The following HMGXB4 variants were observed in gnomAD, a reference collection of about 807,000 sequenced individuals.
HMGXB4 encodes the protein HMG-box containing 4, also known as HMG domain-containing protein 4.
In HMGXB4, 27 loss-of-function variants were observed where a neutral mutation model predicts 63.9. That is an observed-to-expected ratio of 0.42 (90% CI 0.31 to 0.58). The LOEUF is 0.58. Ranked by LOEUF, HMGXB4 falls within the 20% of genes least tolerant of loss-of-function variation. The pLI, the probability that HMGXB4 is intolerant of heterozygous loss-of-function variation, is 0.13. For synonymous variants in HMGXB4, 264 were observed against 265.3 expected (o/e 0.99, Z 0.05); for missense variants, 624 against 700.7 (o/e 0.89, Z 1.24).
chr22:35,265,702 G>A, intron 5 of HMGXB4, 99 bp downstream of exon 5: 2 of 1,417,086 alleles, frequency 1.4e-6, no homozygotes, highest in South Asian at 1.6e-5. Flanking sequence ...TAAACCACTG[G>A]GAATTAAGCA....
chr22:35,245,591 G>A, the HMGXB4 span, among the ~76,000 whole-genome samples: 1 of 152,066 alleles, frequency 6.6e-6, no homozygotes, highest in Non-Finnish European at 1.5e-5. Flanking sequence ...CTGGTTCTTG[G>A]TAGGATGAGT....
chr22:35,243,383 A>G, the HMGXB4 span, among the ~76,000 whole-genome samples: 2 of 152,326 alleles, frequency 1.3e-5, no homozygotes, highest in East Asian at 3.9e-4. Context: ...AGAAAATAAA[A>G]AAGAAATGCT....
At chr22:35,288,086 A>G in intron 8 of HMGXB4, 152 bp from the exon 9 acceptor site, 1 of 493,890 alleles carries the variant, frequency 2.0e-6, no homozygotes, top group Non-Finnish European at 3.4e-6. Flanking sequence ...GGCCATAAAA[A>G]ACAAGAGACC....
chr22:35,243,879 C>T, the HMGXB4 span, among the ~76,000 whole-genome samples: 3 of 152,200 alleles, frequency 2.0e-5, no homozygotes, highest in Non-Finnish European at 4.4e-5. Flanking sequence ...AAAAATATTG[C>T]TCCACTTCCT....
In HMGXB4 at chr22:35,294,418, G is replaced by T. The variant is rs963047108; in HGVS notation, c.*767G>T. 1.3e-5 allele frequency: 2 copies of T among 152,586 alleles called. No homozygotes were observed. The highest frequency in any genetic ancestry group is 2.9e-5 in the Non-Finnish European group (2 of 68,026). 9.5% of individuals were successfully genotyped at this position (152,586 alleles called of 1,614,324 possible). ...CAGAATCTTTAGTCGGCAGAATTAA[G>T]TGCTGGTGTCTTTCACTGGCAGCAT... is the stretch of plus-strand genomic sequence containing the variant. On this transcript the variant is annotated 3_prime_UTR_variant, in exon 11 of 11. Coordinates refer to ENST00000216106, the MANE Select transcript of HMGXB4 (RefSeq NM_001003681.3).
At chr22:35,253,621 G>A (rs1355377771), upstream of HMGXB4, among the ~76,000 whole-genome samples, 2 of 152,092 alleles carry the variant, frequency 1.3e-5, no homozygotes, top group African/African-American at 2.4e-5. Context: ...GCGCGCGTGT[G>A]TGTGTGTGTA....
chr22:35,271,550 A>G (rs1923605095), intron 5 of HMGXB4, among the ~76,000 whole-genome samples: 1 of 152,164 alleles, frequency 6.6e-6, no homozygotes, highest in Non-Finnish European at 1.5e-5. Flanking sequence ...CCACTTACAA[A>G]CAATGTGATG....
At chr22:35,261,210 G>A (rs1270361428) in intron 1 of HMGXB4, among the ~76,000 whole-genome samples, 1 of 152,122 alleles carries the variant, frequency 6.6e-6, no homozygotes, top group African/African-American at 2.4e-5. Context: ...GGCCGAGGTG[G>A]GTGGATCACG....
At position 35,295,184 on chromosome 22, in the gene HMGXB4, C is replaced by T. The variant is rs1925191438; in HGVS notation, c.*1533C>T. 2 of 152,344 alleles carry T rather than the reference C, an allele frequency of 1.3e-5. No individual in the cohort carries two copies. Among genetic ancestry groups the T allele is most frequent in the South Asian group, 4.1e-4 (2 of 4,826 alleles). The allele number at this position is 152,344 out of a possible 1,614,324, so 9.4% of individuals were successfully genotyped here. A position where few individuals can be genotyped will look rare whatever the true frequency, so the allele number is the denominator to read the frequency against. ...CAGCATCAAAGTAAATCTTTGGGGACAGTGTAGCCCATCTGCATCCTATTT... is the reference window on the plus strand; with the variant it reads ...CAGCATCAAAGTAAATCTTTGGGGATAGTGTAGCCCATCTGCATCCTATTT... On this transcript the variant is annotated 3_prime_UTR_variant, in exon 11 of 11. Coordinates refer to ENST00000216106, the MANE Select transcript of HMGXB4 (RefSeq NM_001003681.3).
At chr22:35,283,019 T>C (rs964573486) in intron 5 of HMGXB4, among the ~76,000 whole-genome samples, 8 of 152,364 alleles carry the variant, frequency 5.3e-5, no homozygotes, top group African/African-American at 1.9e-4. Context: ...TGTCAGAATA[T>C]AGTGAAGAAC....
intron 2 of HMGXB4, chr22:35,262,796 GTCC>G (rs1458484112): frequency 9.6e-6 from 5 of 520,798 alleles, no homozygotes; most frequent in South Asian, 2.4e-5. Flanking sequence ...GCAAGTCTGT[GTCC>G]TCCTACCAAA....
chr22:35,263,908 C>G lies in HMGXB4; in HGVS notation c.259+34C>G, dbSNP rs967893834. On this transcript the variant is annotated intron_variant, in intron 4 of 10. Coordinates refer to ENST00000216106, the MANE Select transcript of HMGXB4 (RefSeq NM_001003681.3). ...GGGAATGGGCAACAGGTGGGATAAA[C>G]ACATCGCTGGTTCTTGGAGTCGGGG... 3 of 1,602,060 alleles carry G rather than the reference C, an allele frequency of 1.9e-6. No homozygotes were observed. In the South Asian group the frequency reaches 3.3e-5, roughly 18 times the overall value.
chr22:35,270,698 T>C (rs1025521587), intron 5 of HMGXB4, among the ~76,000 whole-genome samples: 19 of 152,346 alleles, frequency 1.2e-4, no homozygotes, highest in African/African-American at 4.1e-4. Context: ...TAAGGACTTA[T>C]CTATAATTTG....
Position 35,265,425 on chromosome 22 carries a change from T to C in HMGXB4, c.1037T>C (p.Leu346Ser), listed in dbSNP as rs559493829. ...CGACACTCCAAGTCCAAGAGAAGTT[T>C]AGGACTTTCTGCCGTGCCAGTGGGA... ...EKRHSKSKRS[L>S]GLSAVPVGEV... Residue 346 changes from leucine (L) to serine (S), a missense_variant, in exon 5 of 11, where the codon TTA becomes TCA. Coordinates refer to ENST00000216106, the MANE Select transcript of HMGXB4 (RefSeq NM_001003681.3). The C allele has an allele frequency of 1.9e-6, 3 of 1,613,994 alleles. No individual in the cohort carries two copies. The highest frequency in any genetic ancestry group is 2.7e-5 in the African/African-American group (2 of 74,956).
At chr22:35,244,022 T>C in the HMGXB4 span, among the ~76,000 whole-genome samples, 1 of 152,244 alleles carries the variant, frequency 6.6e-6, no homozygotes, top group Non-Finnish European at 1.5e-5. Context: ...AGTTATGATG[T>C]GTCTTGGAAT....
In HMGXB4 at chr22:35,293,770, CATACATAT is replaced by C. The variant is rs756664222; in HGVS notation, c.*131_*138del. The C allele has an allele frequency of 4.8e-6, 3 of 619,248 alleles. No individual in the cohort carries two copies. Among genetic ancestry groups the C allele is most frequent in the African/African-American group, 1.9e-5 (1 of 53,932 alleles). The allele number at this position is 619,248 out of a possible 1,614,324, so 38.4% of individuals were successfully genotyped here. A position where few individuals can be genotyped will look rare whatever the true frequency, so the allele number is the denominator to read the frequency against. The stretch of plus-strand genomic sequence containing the variant: ...TAGGTTTTAAATTTTTATATCTATA[CATACATAT>C]ATACATATATATATAATGTACAATA... On this transcript the variant is annotated 3_prime_UTR_variant, in exon 11 of 11. Coordinates refer to ENST00000216106, the MANE Select transcript of HMGXB4 (RefSeq NM_001003681.3).
chr22:35,265,699 C>T, intron 5 of HMGXB4, 96 bp downstream of exon 5: 3 of 1,425,850 alleles, frequency 2.1e-6, no homozygotes, highest in Non-Finnish European at 2.8e-6. Context: ...AGGTAAACCA[C>T]TGGGAATTAA....
At chr22:35,282,511 T>A (rs761270208) in intron 5 of HMGXB4, among the ~76,000 whole-genome samples, 1 of 152,228 alleles carries the variant, frequency 6.6e-6, no homozygotes, top group Non-Finnish European at 1.5e-5. Flanking sequence ...TAGGAGTAGA[T>A]GAAAGACGGA....
At chr22:35,246,012 C>G in the HMGXB4 span, among the ~76,000 whole-genome samples, 278 of 152,314 alleles carry the variant, frequency 1.8e-3, 1 homozygote, top group African/African-American at 6.3e-3. Context: ...TGGCTAATTA[C>G]TGCTGGGTGC....
Sources: gnomAD v4.1 joint callset for allele counts (sites outside exome capture counted in the v4.1 genomes callset) on GRCh38, gnomAD v4.1.1 for gene constraint, MANE v1.5 for transcripts, NCBI Gene and HGNC (gene_info 2026-07-23, HGNC 2026-07-21) for gene names.